TEKT3: variants seen among roughly 807,000 people sequenced by gnomAD.
TEKT3 encodes tektin 3.
In TEKT3, 49 loss-of-function variants were observed where a neutral mutation model predicts 49.8. That is an observed-to-expected ratio of 0.98 (90% CI 0.78 to 1.25). The LOEUF is 1.25. Ranked by LOEUF, TEKT3 falls within the 50% of genes most tolerant of loss-of-function variation. TEKT3 has a pLI of 0.00. For synonymous variants in TEKT3, 225 were observed against 237.2 expected, an observed-to-expected ratio of 0.95 and a Z score of 0.47; for missense variants, 595 against 629.5, an observed-to-expected ratio of 0.95 and a Z score of 0.59.
At chr17:15,307,705 G>A (rs1412193725) in intron 8 of TEKT3, among the ~76,000 whole-genome samples, 1 of 152,144 alleles carries the variant, frequency 6.6e-6, no homozygotes, top group African/African-American at 2.4e-5. Flanking sequence ...GAAGCAGAGC[G>A]AGTGGCATCT....
intron 4 of TEKT3, among the ~76,000 whole-genome samples, chr17:15,323,987 T>C (rs771911781): frequency 6.6e-6 from 1 of 152,154 alleles, no homozygotes; most frequent in Admixed American, 6.5e-5. Context: ...AGTTTGATGG[T>C]TTTTAGTACA....
At chr17:15,330,582 G>A (rs1416496146) in intron 3 of TEKT3, among the ~76,000 whole-genome samples, 3 of 152,144 alleles carry the variant, frequency 2.0e-5, no homozygotes, top group Non-Finnish European at 4.4e-5. Flanking sequence ...AGCTTCCTAA[G>A]GGCTCCCCAG....
chr17:15,321,339 A>G (rs1329408282), intron 4 of TEKT3, among the ~76,000 whole-genome samples: 2 of 152,160 alleles, frequency 1.3e-5, no homozygotes, highest in East Asian at 1.9e-4. Context: ...AATTTAAATA[A>G]TGTCATATGA....
rs1223285433 is a variant in TEKT3 at position 15,304,111 on chromosome 17, G to A, written c.1298C>T (p.Thr433Ile). ...EVHEVDDTIQ[T>I]LQQRLRDAED... ...TGCATCCCTCAGGCGCTGCTGCAGGGTCTGGATGGTGTCGTCAACCTCGTG... is the reference window on the plus strand; with the variant it reads ...TGCATCCCTCAGGCGCTGCTGCAGGATCTGGATGGTGTCGTCAACCTCGTG... The change falls in exon 9 of 9, where the codon ACC (threonine) becomes ATC (isoleucine). Residue 433 changes from threonine (T) to isoleucine (I), a missense_variant. Transcript: ENST00000395930. The surrounding 1 kb of genome is among the most constrained non-coding windows in gnomAD (Gnocchi z 4.7). 2 of 1,614,072 alleles carry A rather than the reference G, an allele frequency of 1.2e-6. No homozygotes were observed. The highest frequency in any genetic ancestry group is 2.2e-5 in the East Asian group (1 of 44,876).
intron 8 of TEKT3, among the ~76,000 whole-genome samples, chr17:15,306,080 T>TA (rs1491123176): frequency 2.5e-4 from 20 of 80,502 alleles, no homozygotes; most frequent in South Asian, 4.5e-4. Context: ...CCACAGTTTA[T>TA]TTATATATAT....
chr17:15,307,189 T>G (rs1010459101), intron 8 of TEKT3, among the ~76,000 whole-genome samples: 1 of 152,248 alleles, frequency 6.6e-6, no homozygotes, highest in African/African-American at 2.4e-5. Flanking sequence ...TCATCCTCTG[T>G]GTGAGAGGGA....
At chr17:15,327,156 G>GAA (rs201138913) in intron 4 of TEKT3, among the ~76,000 whole-genome samples, 5,543 of 136,156 alleles carry the variant, frequency 0.041, 189 homozygotes, top group African/African-American at 0.092. Flanking sequence ...ATGATTGATT[G>GAA]AAAAAAAAAA....
At chr17:15,328,770 T>C (rs1219035134) in intron 3 of TEKT3, among the ~76,000 whole-genome samples, 1 of 152,218 alleles carries the variant, frequency 6.6e-6, no homozygotes, top group Non-Finnish European at 1.5e-5. Context: ...TTAGTGGCTC[T>C]AATGGAAAAC....
At chr17:15,332,510 C>G (rs1911804910) in intron 2 of TEKT3, among the ~76,000 whole-genome samples, 1 of 152,180 alleles carries the variant, frequency 6.6e-6, no homozygotes, top group East Asian at 1.9e-4. Context: ...TGCTTGGCAA[C>G]TCCCCGCCCC....
At chr17:15,331,688 A>G in intron 2 of TEKT3, 74 bp from the exon 3 acceptor site, 3 of 1,157,428 alleles carry the variant, frequency 2.6e-6, no homozygotes, top group Non-Finnish European at 3.6e-6. Flanking sequence ...ATAAAAGGCC[A>G]CATCTGACTT....
chr17:15,304,220 T>G lies in TEKT3; in HGVS notation c.1257-68A>C. The G allele has an allele frequency of 6.6e-7, 1 of 1,509,640 alleles. No homozygotes were observed. The highest frequency in any genetic ancestry group is 2.3e-5 in the East Asian group (1 of 43,888). The allele number at this position is 1,509,640 out of a possible 1,614,324, so 93.5% of individuals were successfully genotyped here. A position where few individuals can be genotyped will look rare whatever the true frequency, so the allele number is the denominator to read the frequency against. On this transcript the variant is annotated intron_variant, in intron 8 of 8. Coordinates refer to ENST00000395930, the MANE Select transcript of TEKT3 (RefSeq NM_031898.3). The surrounding 1 kb of genome is among the most constrained non-coding windows in gnomAD (Gnocchi z 4.7). ...TTACGCAACTCCAAGTACATCACAT[T>G]GTAACCAGCGATGCAAAGCTCACAT...
intron 2 of TEKT3, among the ~76,000 whole-genome samples, chr17:15,332,594 G>A (rs1367822752): frequency 6.6e-6 from 1 of 152,112 alleles, no homozygotes; most frequent in African/African-American, 2.4e-5. Flanking sequence ...AACGCAGCTC[G>A]AGGCAAGTAC....
Position 15,331,290 on chromosome 17 carries a change from C to A in TEKT3, c.296G>T (p.Trp99Leu), listed in dbSNP as rs745543061. The A allele has an allele frequency of 5.0e-6, 8 of 1,614,048 alleles. No individual in the cohort carries two copies. The South Asian group carries it at 8.8e-5, about 18-fold the overall frequency. Residue 99 changes from tryptophan to leucine, a missense_variant, in exon 3 of 9, where the codon TGG (tryptophan) becomes TTG (leucine). Coordinates refer to ENST00000395930, the MANE Select transcript of TEKT3 (RefSeq NM_031898.3). Reference protein sequence around the residue: ...TFFTRYTPDDWYRSNLTNYQE... With the variant: ...TFFTRYTPDDLYRSNLTNYQE... ...ATAGTTGGTTAAATTGGACCTGTAC[C>A]AGTCATCCGGTGTGTATCTTGTGAA...
At chr17:15,316,708 A>C (rs777077874) in intron 5 of TEKT3, among the ~76,000 whole-genome samples, 1 of 152,200 alleles carries the variant, frequency 6.6e-6, no homozygotes, top group Admixed American at 6.5e-5. Flanking sequence ...GCTAAACCTG[A>C]CCAGAGGAAA....
chr17:15,323,681 T>C (rs1374955623), intron 4 of TEKT3, among the ~76,000 whole-genome samples: 1 of 152,056 alleles, frequency 6.6e-6, no homozygotes, highest in African/African-American at 2.4e-5. Context: ...AAGACCTACT[T>C]TGGTAAAAAA....
At chr17:15,341,772 C>G (rs1209793477), upstream of TEKT3, 2 of 152,314 alleles carry the variant, frequency 1.3e-5, no homozygotes, top group Non-Finnish European at 2.9e-5. Context: ...TTACTATGGA[C>G]GCGCTCACGC....
intron 2 of TEKT3, among the ~76,000 whole-genome samples, 180 bp downstream of exon 2, chr17:15,339,848 T>A (rs1567586993): frequency 1.3e-5 from 2 of 152,126 alleles, no homozygotes. Flanking sequence ...GTAGAAGAAA[T>A]CATATCAGAC....
intron 1 of TEKT3, 111 bp from the exon 2 acceptor site, chr17:15,340,172 T>C (rs897660326): frequency 1.3e-5 from 2 of 152,134 alleles, no homozygotes; most frequent in African/African-American, 4.8e-5. Flanking sequence ...ACATAATATG[T>C]GGTAAATTCA....
intron 4 of TEKT3, among the ~76,000 whole-genome samples, chr17:15,319,496 C>T (rs770659401): frequency 1.3e-5 from 2 of 152,042 alleles, no homozygotes; most frequent in Non-Finnish European, 2.9e-5. Flanking sequence ...AATTTAAATG[C>T]ACGGCTTCTT....
Sources: gnomAD v4.1 joint callset for allele counts (sites outside exome capture counted in the v4.1 genomes callset) on GRCh38, gnomAD v4.1.1 for gene constraint, Gnocchi (gnomAD v3.1) non-coding constraint, MANE v1.5 for transcripts, NCBI Gene and HGNC (gene_info 2026-07-23, HGNC 2026-07-21) for gene names.